Variants in DLGAP1 observed in about 807,000 individuals in gnomAD.
The protein encoded by DLGAP1 is DLG associated protein 1.
DLGAP1 carries 11 observed loss-of-function variants against 90.8 expected under a neutral mutation model. The ratio of observed to expected loss-of-function variants is 0.12; its 90% CI spans 0.08 to 0.20. DLGAP1 has a LOEUF of 0.20. DLGAP1 is among the 10% of genes least tolerant of loss of function. DLGAP1 has a pLI of 1.00. For missense variants in DLGAP1, 1,050 were observed against 1,333.8 expected (o/e 0.79, Z 3.31); for synonymous variants, 558 against 540.7 (o/e 1.03, Z -0.44).
chr18:3,511,040 C>T (rs1449301729), intron 10 of DLGAP1, among the ~76,000 whole-genome samples: 1 of 152,128 alleles, frequency 6.6e-6, no homozygotes, highest in African/African-American at 2.4e-5. Context: ...GGGCTTTTGC[C>T]GTCATGTTCC....
chr18:4,393,388 C>T (rs556280763), intron 1 of DLGAP1, among the ~76,000 whole-genome samples: 30 of 152,236 alleles, frequency 2.0e-4, no homozygotes, highest in Non-Finnish European at 3.1e-4. Flanking sequence ...CTCTTTCCCA[C>T]GCAAGAGCCT....
In DLGAP1 at chr18:4,445,627, T is replaced by A. The variant is rs1156540669; in HGVS notation, c.-267+9379A>T. ...CCATGCCAATCATCAAGAAAGCAGC[T>A]GCTACCCCTTGAAAAGTCACTCTAC... On this transcript the variant is annotated intron_variant, in intron 1 of 12. Coordinates refer to ENST00000315677, the MANE Select transcript of DLGAP1 (RefSeq NM_004746.4). Among the ~76,000 whole-genome samples, 4 of 152,050 alleles carry A rather than the reference T, an allele frequency of 2.6e-5. No individual in the cohort carries two copies. The East Asian group carries it at 7.7e-4, about 29-fold the overall frequency.
At chr18:3,972,892 A>G (rs1206055881) in intron 3 of DLGAP1, among the ~76,000 whole-genome samples, 2 of 152,234 alleles carry the variant, frequency 1.3e-5, no homozygotes, top group Non-Finnish European at 2.9e-5. Flanking sequence ...ATCTGTGTTT[A>G]GAGACCCAAA....
intron 2 of DLGAP1, among the ~76,000 whole-genome samples, chr18:4,058,670 A>T (rs2075257593): frequency 6.6e-6 from 1 of 152,308 alleles, no homozygotes; most frequent in East Asian, 1.9e-4. Context: ...CTTGAATCCA[A>T]CATATAAAGG....
At position 3,970,364 on chromosome 18, in the gene DLGAP1, C is replaced by T. The variant is rs1188922955; in HGVS notation, c.-73+34752G>A. ...AAAAGAAAATAAAACAATTTCATCC[C>T]AGTATTCTTATTGAAGCCATTAGGA... On this transcript the variant is annotated intron_variant, in intron 3 of 12. Coordinates refer to ENST00000315677, the MANE Select transcript of DLGAP1 (RefSeq NM_004746.4). 1.4e-4 allele frequency among the ~76,000 whole-genome samples: 21 copies of T among 152,058 alleles called. 1 individual carries two copies. The highest frequency in any genetic ancestry group is 2.9e-5 in the Non-Finnish European group (2 of 67,996).
intron 7 of DLGAP1, among the ~76,000 whole-genome samples, chr18:3,686,259 T>C (rs1315386004): frequency 1.3e-5 from 2 of 152,042 alleles, no homozygotes; most frequent in Non-Finnish European, 2.9e-5. Flanking sequence ...TGTAAGGGTA[T>C]TTCTTGGAAA....
At chr18:3,582,861 CTCCT>C (rs143315210) in intron 7 of DLGAP1, among the ~76,000 whole-genome samples, 37,899 of 131,572 alleles carry the variant, frequency 0.29, 5,344 homozygotes, top group African/African-American at 0.3. Flanking sequence ...CCCTCCCTCC[CTCCT>C]TCCTTCCTTC....
chr18:3,547,077 G>A (rs1201772353), intron 9 of DLGAP1, among the ~76,000 whole-genome samples: 1 of 151,986 alleles, frequency 6.6e-6, no homozygotes, highest in South Asian at 2.1e-4. Flanking sequence ...CGTGGCAGGT[G>A]GATCACGAGG....
At chr18:3,913,924 C>T (rs1212834802) in intron 3 of DLGAP1, among the ~76,000 whole-genome samples, 1 of 152,188 alleles carries the variant, frequency 6.6e-6, no homozygotes, top group African/African-American at 2.4e-5. Context: ...AAACCTGTTA[C>T]TAATTTGAAC....
intron 2 of DLGAP1, among the ~76,000 whole-genome samples, chr18:4,066,373 A>G (rs1239422397): frequency 1.3e-5 from 2 of 152,112 alleles, no homozygotes; most frequent in Non-Finnish European, 2.9e-5. Flanking sequence ...AAATAAAACT[A>G]TCAACAGAGT....
chr18:3,807,630 G>T lies in DLGAP1; in HGVS notation c.1172+6429C>A, dbSNP rs563113809. Among the ~76,000 whole-genome samples, 7 of 141,686 alleles carry T rather than the reference G, an allele frequency of 4.9e-5. No homozygotes were observed. In the South Asian group the frequency reaches 1.6e-3, roughly 33 times the overall value. The allele number at this position is 141,686 out of a possible 152,430, so 93.0% of individuals were successfully genotyped here. A position where few individuals can be genotyped will look rare whatever the true frequency, so the allele number is the denominator to read the frequency against. On this transcript the variant is annotated intron_variant, in intron 5 of 12. Transcript: ENST00000315677. ...AAGTTTTGGGATACGTGTACAGGATGTGCAGGTTTGTTACATAGGTAAACG... is the reference window on the plus strand; with the variant it reads ...AAGTTTTGGGATACGTGTACAGGATTTGCAGGTTTGTTACATAGGTAAACG...
At chr18:4,015,637 C>CGACATATCA (rs1252033102) in intron 2 of DLGAP1, among the ~76,000 whole-genome samples, 1 of 152,080 alleles carries the variant, frequency 6.6e-6, no homozygotes, top group Non-Finnish European at 1.5e-5. Context: ...ACACTGGCTA[C>CGACATATCA]GACATATCAG....
chr18:3,937,197 A>G (rs368590897), intron 3 of DLGAP1, among the ~76,000 whole-genome samples: 1 of 152,182 alleles, frequency 6.6e-6, no homozygotes, highest in East Asian at 1.9e-4. Flanking sequence ...CTTGCATAAC[A>G]TGATAACAAA....
At chr18:3,999,496 C>G (rs975620644) in intron 3 of DLGAP1, among the ~76,000 whole-genome samples, 4 of 152,098 alleles carry the variant, frequency 2.6e-5, no homozygotes, top group African/African-American at 9.7e-5. Flanking sequence ...CCGTGACTAC[C>G]TCTATCTTTA....
At chr18:4,405,207 C>T (rs569121726) in intron 1 of DLGAP1, among the ~76,000 whole-genome samples, 28 of 152,238 alleles carry the variant, frequency 1.8e-4, no homozygotes, top group African/African-American at 6.7e-4. Context: ...CTAGAACACT[C>T]GCACCAAAGC....
intron 3 of DLGAP1, among the ~76,000 whole-genome samples, chr18:3,974,421 C>T (rs2149012377): frequency 1.3e-5 from 2 of 152,268 alleles, no homozygotes; most frequent in East Asian, 3.9e-4. Context: ...TAATTCAGGG[C>T]TTTTAAATAT....
chr18:3,742,214 T>TCAATG, intron 6 of DLGAP1, 121 bp downstream of exon 6: 1 of 1,249,524 alleles, frequency 8.0e-7, no homozygotes, highest in Non-Finnish European at 1.1e-6. Flanking sequence ...CTGGACCTCC[T>TCAATG]GTCTGATCCA....
intron 7 of DLGAP1, among the ~76,000 whole-genome samples, chr18:3,675,058 G>A (rs2060249370): frequency 6.6e-6 from 1 of 152,188 alleles, no homozygotes; most frequent in South Asian, 2.1e-4. Context: ...GCACTGCCAA[G>A]TACCACGCAG....
At chr18:3,938,439 A>G (rs1442386) in intron 3 of DLGAP1, among the ~76,000 whole-genome samples, 97,404 of 151,802 alleles carry the variant, frequency 0.64, 31,463 homozygotes, top group Non-Finnish European at 0.69. Context: ...GATGTATGAG[A>G]GTGCGACGCA....
Sources: allele counts gnomAD v4.1 joint callset (sites outside exome capture counted in the v4.1 genomes callset), GRCh38; gene constraint gnomAD v4.1.1; transcripts MANE v1.5; gene names NCBI Gene and HGNC (gene_info 2026-07-23, HGNC 2026-07-21).